The following AKNA variants were observed in gnomAD, a reference collection of about 807,000 sequenced individuals.
AKNA encodes the protein microtubule organization protein AKNA.
In AKNA, 67 loss-of-function variants were observed where a neutral mutation model predicts 138.8. That is an observed-to-expected ratio of 0.48 (90% CI 0.40 to 0.59). The LOEUF is 0.59. Among genes scored for constraint, AKNA ranks in the 20% least tolerant of loss-of-function variants. The pLI is 0.00. For missense variants in AKNA, 1,813 were observed against 1,880.4 expected, an observed-to-expected ratio of 0.96 and a Z score of 0.66; for synonymous variants, 737 against 754.4, an observed-to-expected ratio of 0.98 and a Z score of 0.38.
At chr9:114,338,221 A>C (rs2131755911) in intron 21 of AKNA, among the ~76,000 whole-genome samples, 1 of 152,364 alleles carries the variant, frequency 6.6e-6, no homozygotes, top group East Asian at 1.9e-4. Context: ...ATTGTTATAC[A>C]GTGTGTAGAA....
chr9:114,362,650 G>T, intron 7 of AKNA, 117 bp from the exon 8 acceptor site: 1 of 1,328,442 alleles, frequency 7.5e-7, no homozygotes, highest in Non-Finnish European at 9.9e-7. Context: ...GGGCCCCTGG[G>T]TTCATGCAAG....
At chr9:114,390,946 T>G (rs189869767), upstream of AKNA, among the ~76,000 whole-genome samples, 20 of 152,382 alleles carry the variant, frequency 1.3e-4, no homozygotes, top group East Asian at 3.1e-3. Flanking sequence ...CTTCACTCAG[T>G]TGGGAGCTCT....
intron 13 of AKNA, among the ~76,000 whole-genome samples, 160 bp downstream of exon 13, chr9:114,356,703 G>C (rs1159271647): frequency 2.6e-5 from 4 of 152,198 alleles, no homozygotes; most frequent in African/African-American, 7.2e-5. Context: ...TGTTTCCTCT[G>C]TCCATAACAC....
chr9:114,334,904 A>T lies in AKNA; in HGVS notation c.*2150T>A, dbSNP rs540117061. 3.6e-4 allele frequency: 55 copies of T among 151,982 alleles called. No individual in the cohort carries two copies. The highest frequency in any genetic ancestry group is 8.3e-4 in the South Asian group (4 of 4,814). The allele number at this position is 151,982 out of a possible 1,614,324, so 9.4% of individuals were successfully genotyped here. A position where few individuals can be genotyped will look rare whatever the true frequency, so the allele number is the denominator to read the frequency against. On this transcript the variant is annotated 3_prime_UTR_variant, in exon 22 of 22. Transcript: ENST00000374088. ...ATCCTTTGCTCAGCACCCAAACCAC[A>T]GCTGTGCCCACAGCACGGAGGCTGG...
intron 14 of AKNA, 58 bp from the exon 15 acceptor site, chr9:114,351,079 A>C: frequency 8.4e-6 from 13 of 1,543,928 alleles, no homozygotes; most frequent in Non-Finnish European, 1.1e-5. Context: ...TTCCAAGCTC[A>C]CACTTGTGCA....
Position 114,367,665 on chromosome 9 carries a change from A to G in AKNA, c.1606T>C (p.Ser536Pro). Residue 536 changes from serine (S) to proline (P), a missense_variant, in exon 6 of 22, where the codon TCC becomes CCC. By Grantham distance (74) the Ser-to-Pro change is moderately conservative (BLOSUM62 -1). Coordinates refer to ENST00000374088, the MANE Select transcript of AKNA (RefSeq NM_001317950.2). ...AGGGTGGGCATGCTGGTAAGCGAGG[A>G]GGGGCTCAAGTCTCCTCGAGCTGAT... ...WPSARGDLSPSSLTSMPTLGW... is the reference protein window; with the variant it reads ...WPSARGDLSPPSLTSMPTLGW... 1 of 1,594,450 alleles carries G rather than the reference A, an allele frequency of 6.3e-7. No individual in the cohort carries two copies. Among genetic ancestry groups the G allele is most frequent in the Non-Finnish European group, 8.6e-7 (1 of 1,165,786 alleles).
At chr9:114,364,677 C>T in intron 6 of AKNA, 58 bp from the exon 7 acceptor site, 1 of 1,545,386 alleles carries the variant, frequency 6.5e-7, no homozygotes, top group Non-Finnish European at 8.9e-7. Flanking sequence ...TAGACTCCCA[C>T]ACCCAGCCAC....
upstream of AKNA, among the ~76,000 whole-genome samples, chr9:114,391,807 T>C (rs61235876): frequency 0.012 from 1,726 of 140,672 alleles, 31 homozygotes; most frequent in African/African-American, 0.043. Flanking sequence ...TGAGTCGAGA[T>C]TGCACCATTG....
In AKNA at chr9:114,337,136, C is replaced by A; in HGVS notation, c.4238G>T (p.Arg1413Leu). ...SRAVQAAESV[R>L]STTRQMRSSL... ...GCTTCTCATCTGCCTGGTGGTAGAG[C>A]GGACGCTCTCGGCAGCCTGCACGGC... The change falls in exon 22 of 22, where the codon CGC (arginine) becomes CTC (leucine). Residue 1413 changes from arginine (R) to leucine (L), a missense_variant. Arg to Leu is a moderately radical substitution (Grantham distance 102). Coordinates refer to ENST00000374088, the MANE Select transcript of AKNA (RefSeq NM_001317950.2). 1.2e-6 allele frequency: 2 copies of A among 1,609,242 alleles called. No homozygotes were observed. Among genetic ancestry groups the A allele is most frequent in the Non-Finnish European group, 1.7e-6 (2 of 1,177,866 alleles).
At chr9:114,395,207 TACAG>T (rs1431391433), upstream of AKNA, among the ~76,000 whole-genome samples, 1 of 152,186 alleles carries the variant, frequency 6.6e-6, no homozygotes, top group Non-Finnish European at 1.5e-5. Flanking sequence ...TATCCTCATC[TACAG>T]ACAGAGGCTT....
intron 16 of AKNA, among the ~76,000 whole-genome samples, chr9:114,347,432 C>A (rs1040870497): frequency 6.6e-6 from 1 of 152,292 alleles, no homozygotes; most frequent in African/African-American, 2.4e-5. Context: ...GTTGGTCAGG[C>A]TGGTTTCGAA....
At chr9:114,331,881 C>G (rs746075799), downstream of AKNA, 1 of 1,613,902 alleles carries the variant, frequency 6.2e-7, no homozygotes, top group Non-Finnish European at 8.5e-7. Flanking sequence ...AAGCTCTCGA[C>G]TGCTTGTGCA....
chr9:114,370,587 G>C (rs1195114689), intron 4 of AKNA, among the ~76,000 whole-genome samples: 1 of 152,144 alleles, frequency 6.6e-6, no homozygotes, highest in Non-Finnish European at 1.5e-5. Flanking sequence ...TCCCAGGGCT[G>C]GTCTCTCTGG....
At chr9:114,361,964 C>T (rs1353037654) in intron 8 of AKNA, 53 bp from the exon 9 acceptor site, 1 of 1,577,014 alleles carries the variant, frequency 6.3e-7, no homozygotes, top group Non-Finnish European at 8.6e-7. Context: ...CTACATCAGG[C>T]AGGTCCAGGA....
At chr9:114,361,162 T>G (rs1831923803) in intron 9 of AKNA, among the ~76,000 whole-genome samples, 1 of 152,146 alleles carries the variant, frequency 6.6e-6, no homozygotes, top group African/African-American at 2.4e-5. Context: ...CACAAGCCCC[T>G]ACATCATGGG....
At chr9:114,381,655 G>GTA (rs1256738508) in intron 1 of AKNA, among the ~76,000 whole-genome samples, 6 of 82,858 alleles carry the variant, frequency 7.2e-5, no homozygotes, top group African/African-American at 2.9e-4. Context: ...TCTCTCCAGG[G>GTA]TTTTTTTTTT....
chr9:114,383,618 C>G (rs1260496381), intron 1 of AKNA, among the ~76,000 whole-genome samples: 1 of 152,204 alleles, frequency 6.6e-6, no homozygotes, highest in African/African-American at 2.4e-5. Context: ...TCTGGGCTTT[C>G]TCCCCTGCAT....
intron 14 of AKNA, 40 bp from the exon 15 acceptor site, chr9:114,351,061 G>A (rs1169711435): frequency 1.3e-6 from 2 of 1,596,650 alleles, no homozygotes; most frequent in Non-Finnish European, 1.7e-6. Context: ...AGTTTAAGCA[G>A]AGAGAACTTC....
At chr9:114,333,940 A>C, downstream of AKNA, among the ~76,000 whole-genome samples, 1 of 144,632 alleles carries the variant, frequency 6.9e-6, no homozygotes, top group Non-Finnish European at 1.5e-5. Context: ...CTGGTTTCTA[A>C]TGGTTTAGCC....
Sources: allele counts gnomAD v4.1 joint callset (sites outside exome capture counted in the v4.1 genomes callset), GRCh38; gene constraint gnomAD v4.1.1; transcripts MANE v1.5; gene names NCBI Gene and HGNC (gene_info 2026-07-23, HGNC 2026-07-21).